Variants in CPQ observed in about 807,000 individuals in gnomAD.
CPQ encodes the protein Ser-Met dipeptidase.
Under a neutral mutation model 45.7 loss-of-function variants are expected in CPQ, and 37 were observed. The ratio of observed to expected loss-of-function variants is 0.81; its 90% CI spans 0.62 to 1.07. CPQ has a LOEUF of 1.07. Among genes scored for constraint, CPQ ranks in the 50% least tolerant of loss-of-function variants. The probability of loss-of-function intolerance (pLI) is 0.00; values close to 1 mark genes in which losing one functional copy is unlikely to be tolerated. For missense variants in CPQ, 537 were observed against 572.9 expected, an observed-to-expected ratio of 0.94 and a Z score of 0.64; for synonymous variants, 186 against 205.8, an observed-to-expected ratio of 0.90 and a Z score of 0.82.
intron 5 of CPQ, among the ~76,000 whole-genome samples, chr8:96,991,791 T>C (rs907986166): frequency 2.6e-5 from 4 of 152,134 alleles, no homozygotes; most frequent in African/African-American, 9.7e-5. Context: ...AAGTGCAAGC[T>C]ATTATTATGA....
At chr8:97,029,355 A>G in intron 5 of CPQ, 48 bp from the exon 6 acceptor site, 1 of 1,530,452 alleles carries the variant, frequency 6.5e-7, no homozygotes. Flanking sequence ...TTTTTATAAA[A>G]TTCAAAATCA....
At chr8:96,803,769 AC>A (rs1398369506) in intron 2 of CPQ, among the ~76,000 whole-genome samples, 2 of 152,188 alleles carry the variant, frequency 1.3e-5, no homozygotes, top group Non-Finnish European at 2.9e-5. Context: ...TCCTACTAAT[AC>A]TGCCACAACA....
At chr8:96,858,136 G>T (rs149929764) in intron 3 of CPQ, among the ~76,000 whole-genome samples, 1 of 152,238 alleles carries the variant, frequency 6.6e-6, no homozygotes, top group Non-Finnish European at 1.5e-5. Context: ...ATGTGTATAT[G>T]AAGACTGTGT....
intron 1 of CPQ, among the ~76,000 whole-genome samples, chr8:96,775,173 A>G (rs1810590183): frequency 6.6e-6 from 1 of 152,020 alleles, no homozygotes; most frequent in African/African-American, 2.4e-5. Context: ...GCGGGAAGAA[A>G]ATTGTTGAAT....
intron 7 of CPQ, among the ~76,000 whole-genome samples, chr8:97,126,764 G>GACTT (rs1287374264): frequency 6.6e-6 from 1 of 151,970 alleles, no homozygotes; most frequent in Non-Finnish European, 1.5e-5. Context: ...AAAATTTGAG[G>GACTT]ACTTACTCTG....
chr8:97,119,431 T>C (rs1811658856), intron 7 of CPQ, among the ~76,000 whole-genome samples: 1 of 141,418 alleles, frequency 7.1e-6, no homozygotes, highest in South Asian at 2.4e-4. Flanking sequence ...TCTGATTCTG[T>C]TTCTTACACT....
intron 5 of CPQ, among the ~76,000 whole-genome samples, chr8:97,016,088 T>C (rs1809575586): frequency 6.6e-6 from 1 of 152,080 alleles, no homozygotes; most frequent in East Asian, 1.9e-4. Flanking sequence ...CAAAATAATT[T>C]TAAAAATAAA....
chr8:96,844,411 C>G (rs1015528640), intron 3 of CPQ, among the ~76,000 whole-genome samples: 6 of 152,170 alleles, frequency 3.9e-5, no homozygotes, highest in African/African-American at 1.4e-4. Context: ...TGGAGTCTAT[C>G]AAAGGTAACA....
chr8:96,694,490 A>G (rs1004981120), intron 1 of CPQ, among the ~76,000 whole-genome samples: 3 of 152,186 alleles, frequency 2.0e-5, no homozygotes, highest in African/African-American at 7.2e-5. Context: ...TCCTCAGCAT[A>G]TGGCTCATTC....
chr8:96,959,763 G>A (rs1813421024), intron 4 of CPQ, among the ~76,000 whole-genome samples: 2 of 151,180 alleles, frequency 1.3e-5, no homozygotes, highest in African/African-American at 4.9e-5. Flanking sequence ...GGGATTTCCT[G>A]TGTCTGGAAA....
chr8:96,908,749 A>G (rs28758784), intron 4 of CPQ, among the ~76,000 whole-genome samples: 58 of 103,362 alleles, frequency 5.6e-4, no homozygotes, highest in Middle Eastern at 5.1e-3. Context: ...ACACATGCGC[A>G]CACACACACA....
At chr8:96,718,461 TC>T (rs1163560102) in intron 1 of CPQ, among the ~76,000 whole-genome samples, 1 of 151,956 alleles carries the variant, frequency 6.6e-6, no homozygotes, top group East Asian at 1.9e-4. Context: ...AGTTGTTCGT[TC>T]CCCCCAGTGG....
intron 2 of CPQ, among the ~76,000 whole-genome samples, chr8:96,825,393 G>T (rs745319459): frequency 6.6e-6 from 1 of 151,932 alleles, no homozygotes; most frequent in African/African-American, 2.4e-5. Context: ...GTTTGGAGTC[G>T]GTCTGACCTG....
At chr8:96,922,864 T>TG (rs1430654079) in intron 4 of CPQ, among the ~76,000 whole-genome samples, 2 of 152,330 alleles carry the variant, frequency 1.3e-5, no homozygotes, top group Admixed American at 1.3e-4. Context: ...AGTACATACA[T>TG]GACTGGTTTT....
intron 1 of CPQ, among the ~76,000 whole-genome samples, chr8:96,673,113 A>T (rs1809028778): frequency 6.6e-6 from 1 of 152,136 alleles, no homozygotes; most frequent in Non-Finnish European, 1.5e-5. Flanking sequence ...TTACCAGTGG[A>T]GTCTTGACTA....
At chr8:96,670,902 G>C (rs1488070268) in intron 1 of CPQ, among the ~76,000 whole-genome samples, 1 of 151,972 alleles carries the variant, frequency 6.6e-6, no homozygotes, top group Non-Finnish European at 1.5e-5. Flanking sequence ...GGGATGCGTG[G>C]GTGTAGCTGT....
At chr8:97,134,865 GA>G (rs1360585612) in intron 7 of CPQ, among the ~76,000 whole-genome samples, 1 of 152,162 alleles carries the variant, frequency 6.6e-6, no homozygotes, top group Non-Finnish European at 1.5e-5. Flanking sequence ...ATCATCTCCA[GA>G]AAGCCCTCAG....
chr8:96,666,674 A>G (rs891668766), intron 1 of CPQ, among the ~76,000 whole-genome samples: 1 of 152,236 alleles, frequency 6.6e-6, no homozygotes, highest in African/African-American at 2.4e-5. Context: ...CCAGGTGGCC[A>G]TTCAAATATG....
chr8:96,679,498 TG>T (rs1809122093), intron 1 of CPQ, among the ~76,000 whole-genome samples: 1 of 152,170 alleles, frequency 6.6e-6, no homozygotes, highest in Non-Finnish European at 1.5e-5. Context: ...GAAGAATTTT[TG>T]TTAGTTCTTC....
Sources: gnomAD v4.1 joint callset for allele counts (sites outside exome capture counted in the v4.1 genomes callset) on GRCh38, gnomAD v4.1.1 for gene constraint, MANE v1.5 for transcripts, NCBI Gene and HGNC (gene_info 2026-07-23, HGNC 2026-07-21) for gene names.